The following NIPBL variants were observed in gnomAD, a reference collection of about 807,000 sequenced individuals.
NIPBL encodes the protein NIPBL cohesin loading factor.
NIPBL carries 19 observed loss-of-function variants against 321.8 expected under a neutral mutation model. The ratio of observed to expected loss-of-function variants is 0.06; its 90% confidence interval spans 0.04 to 0.09. NIPBL has a LOEUF of 0.09. Among genes scored for constraint, NIPBL ranks in the 10% least tolerant of loss-of-function variants. The probability of loss-of-function intolerance (pLI) is 1.00; values close to 1 mark genes in which losing one functional copy is unlikely to be tolerated. For synonymous variants in NIPBL, 1,106 were observed against 1,114.1 expected (o/e 0.99, Z 0.14); for missense variants, 2,210 against 3,327.0 (o/e 0.66, Z 8.26).
intron 1 of NIPBL, among the ~76,000 whole-genome samples, chr5:36,922,118 C>T (rs967268007): frequency 6.6e-6 from 1 of 151,976 alleles, no homozygotes; most frequent in Admixed American, 6.6e-5. Flanking sequence ...GAACTCCTGA[C>T]CTCAGGCGAT....
At chr5:37,006,911 G>T (rs1400147671) in intron 17 of NIPBL, among the ~76,000 whole-genome samples, 1 of 151,788 alleles carries the variant, frequency 6.6e-6, no homozygotes, top group Non-Finnish European at 1.5e-5. Flanking sequence ...TCCTTTTCTT[G>T]TTCTTAACCT....
intron 26 of NIPBL, 39 bp from the exon 27 acceptor site, chr5:37,020,736 A>C (rs1451980863): frequency 1.9e-6 from 3 of 1,607,562 alleles, no homozygotes; most frequent in East Asian, 4.5e-5. Context: ...CTAAGTTACA[A>C]AAAAAGAAAA....
At chr5:36,913,381 CCTT>C (rs1748201228) in intron 1 of NIPBL, among the ~76,000 whole-genome samples, 2 of 149,852 alleles carry the variant, frequency 1.3e-5, no homozygotes, top group African/African-American at 2.5e-5. Context: ...TTTCTTATTT[CCTT>C]CTTTTTTTTT....
At chr5:36,972,975 G>A (rs553991657) in intron 8 of NIPBL, among the ~76,000 whole-genome samples, 2 of 152,096 alleles carry the variant, frequency 1.3e-5, no homozygotes, top group East Asian at 1.9e-4. Context: ...TTATGCACAC[G>A]AATTTCAGTT....
chr5:36,978,490 C>G (rs1016921857), intron 9 of NIPBL, among the ~76,000 whole-genome samples: 1 of 151,586 alleles, frequency 6.6e-6, no homozygotes, highest in Non-Finnish European at 1.5e-5. Context: ...CAGTATTAGA[C>G]CTTTGTTGGA....
chr5:36,977,441 A>G (rs1321830744), intron 9 of NIPBL, among the ~76,000 whole-genome samples: 1 of 151,968 alleles, frequency 6.6e-6, no homozygotes, highest in East Asian at 1.9e-4. Flanking sequence ...CCTGTCTGTC[A>G]TGATGGCTCA....
At chr5:36,965,990 C>T (rs1403210096) in intron 6 of NIPBL, among the ~76,000 whole-genome samples, 3 of 151,890 alleles carry the variant, frequency 2.0e-5, no homozygotes, top group Admixed American at 1.3e-4. Context: ...ACAATGAACC[C>T]CTTCACCAAC....
intron 36 of NIPBL, 51 bp downstream of exon 36, chr5:37,044,780 G>A (rs1473639146): frequency 2.3e-6 from 3 of 1,287,370 alleles, no homozygotes; most frequent in Admixed American, 1.7e-5. Flanking sequence ...CCTGCAGGGG[G>A]TCAGCTCATT....
At chr5:36,929,715 T>C (rs1749635495) in intron 1 of NIPBL, among the ~76,000 whole-genome samples, 1 of 152,112 alleles carries the variant, frequency 6.6e-6, no homozygotes, top group Non-Finnish European at 1.5e-5. Context: ...TTTAAGCTCA[T>C]ACATTTAGGT....
Position 37,020,779 on chromosome 5 carries a change from A to T in NIPBL, c.5230A>T (p.Asn1744Tyr), listed in dbSNP as rs773164199. The change falls in exon 27 of 47, where the codon AAC becomes TAC. Residue 1744 changes from asparagine to tyrosine, a missense_variant. Coordinates refer to ENST00000282516, the MANE Select transcript of NIPBL (RefSeq NM_133433.4). ...TPSQFSTLKM[N>Y]SDTVDYDDAC... Reference sequence around the variant, plus strand: ...TTTAATGACTTTTTGTTGCAGGATGAACTCTGATACTGTGGACTATGATGA... The same window carrying T: ...TTTAATGACTTTTTGTTGCAGGATGTACTCTGATACTGTGGACTATGATGA... 2 of 1,613,834 alleles carry T rather than the reference A, an allele frequency of 1.2e-6. No homozygotes were observed.
At chr5:37,016,223 G>T in intron 23 of NIPBL, 53 bp downstream of exon 23, 1 of 1,536,454 alleles carries the variant, frequency 6.5e-7, no homozygotes, top group Non-Finnish European at 9.0e-7. Context: ...AACATAATGA[G>T]GATGTACTCT....
intron 1 of NIPBL, among the ~76,000 whole-genome samples, chr5:36,907,596 G>A (rs1415745485): frequency 6.6e-6 from 1 of 152,072 alleles, no homozygotes; most frequent in African/African-American, 2.4e-5. Flanking sequence ...AAACTAAAAT[G>A]TATTTACTTA....
At chr5:36,940,311 G>T (rs1738919568) in intron 1 of NIPBL, among the ~76,000 whole-genome samples, 1 of 152,136 alleles carries the variant, frequency 6.6e-6, no homozygotes, top group Admixed American at 6.5e-5. Flanking sequence ...TAAATAACCA[G>T]TAGATTATTT....
intron 38 of NIPBL, among the ~76,000 whole-genome samples, chr5:37,046,468 C>T (rs1315105895): frequency 6.6e-6 from 1 of 152,196 alleles, no homozygotes; most frequent in African/African-American, 2.4e-5. Context: ...TTCTACCCCT[C>T]CTCCATAGGG....
At chr5:37,059,406 C>T (rs569659925) in intron 44 of NIPBL, among the ~76,000 whole-genome samples, 2 of 152,288 alleles carry the variant, frequency 1.3e-5, no homozygotes, top group Admixed American at 1.3e-4. Flanking sequence ...ACTCAGGAGA[C>T]TGAGGCAGGA....
chr5:37,022,831 T>C (rs1034403307), intron 29 of NIPBL, among the ~76,000 whole-genome samples: 1 of 152,206 alleles, frequency 6.6e-6, no homozygotes, highest in Admixed American at 6.5e-5. Flanking sequence ...TCTTGTTTCC[T>C]TAAAGCTGAT....
Position 37,001,934 on chromosome 5 carries a change from A to T in NIPBL, c.3665-728A>T, listed in dbSNP as rs564157733. 2.7e-3 allele frequency among the ~76,000 whole-genome samples: 408 copies of T among 152,320 alleles called. 2 individuals are homozygous for T. Among genetic ancestry groups the T allele is most frequent in the Middle Eastern group, 0.01 (3 of 294 alleles). ...GTATCATTGTGTTTGCTGATTATTTAGAATGTCAGTTTCATCTTTTTTAAA... is the reference window on the plus strand; with the variant it reads ...GTATCATTGTGTTTGCTGATTATTTTGAATGTCAGTTTCATCTTTTTTAAA... On this transcript the variant is annotated intron_variant, in intron 14 of 46. Transcript: ENST00000282516.
chr5:37,030,659 T>C (rs1750892961), intron 32 of NIPBL, among the ~76,000 whole-genome samples: 1 of 152,192 alleles, frequency 6.6e-6, no homozygotes, highest in South Asian at 2.1e-4. Flanking sequence ...TCCCCATTTA[T>C]TGAATTTTTT....
intron 32 of NIPBL, 133 bp downstream of exon 32, chr5:37,027,545 A>G (rs1281333204): frequency 1.9e-5 from 12 of 644,268 alleles, no homozygotes; most frequent in East Asian, 1.1e-4. Context: ...ATTTATTTCA[A>G]TATGTTAGGC....
Sources: allele counts gnomAD v4.1 joint callset (sites outside exome capture counted in the v4.1 genomes callset), GRCh38; gene constraint gnomAD v4.1.1; transcripts MANE v1.5; gene names NCBI Gene and HGNC (gene_info 2026-07-23, HGNC 2026-07-21).